CTNNA2: variants seen among roughly 807,000 people sequenced by gnomAD.
CTNNA2 encodes catenin alpha-2.
In CTNNA2, 42 loss-of-function variants were observed where a neutral mutation model predicts 101.0. The observed-to-expected ratio is 0.42, with a 90% CI of 0.32 to 0.54. The LOEUF (loss-of-function observed/expected upper bound fraction) is 0.54. Among genes scored for constraint, CTNNA2 ranks in the 20% least tolerant of loss-of-function variants. The pLI is 0.14. For missense variants in CTNNA2, 871 were observed against 1,223.1 expected, an observed-to-expected ratio of 0.71 and a Z score of 4.29; for synonymous variants, 450 against 456.4, an observed-to-expected ratio of 0.99 and a Z score of 0.18.
intron 15 of CTNNA2, among the ~76,000 whole-genome samples, chr2:80,596,414 A>C (rs1483641332): frequency 1.4e-5 from 2 of 144,132 alleles, no homozygotes; most frequent in African/African-American, 5.2e-5. Flanking sequence ...GGTTCATGCC[A>C]TTCTCCTGCC....
intron 2 of CTNNA2, among the ~76,000 whole-genome samples, chr2:79,665,764 G>A (rs1234633069): frequency 2.6e-5 from 4 of 151,984 alleles, no homozygotes; most frequent in Non-Finnish European, 5.9e-5. Flanking sequence ...TATTATCTGG[G>A]CTTAGAAAAA....
chr2:79,744,987 C>A (rs983645816), intron 3 of CTNNA2, among the ~76,000 whole-genome samples: 2 of 152,090 alleles, frequency 1.3e-5, no homozygotes, highest in African/African-American at 2.4e-5. Flanking sequence ...TTCTGCAAGT[C>A]TCAAATTCAT....
At chr2:79,730,984 A>G (rs1003192618) in intron 2 of CTNNA2, among the ~76,000 whole-genome samples, 1 of 152,030 alleles carries the variant, frequency 6.6e-6, no homozygotes, top group Non-Finnish European at 1.5e-5. Flanking sequence ...AAGAAATTTA[A>G]AAGAAATTAA....
chr2:80,046,941 T>G (rs775415858), intron 7 of CTNNA2, among the ~76,000 whole-genome samples: 12 of 152,218 alleles, frequency 7.9e-5, no homozygotes, highest in South Asian at 2.1e-4. Context: ...ATAATTATTT[T>G]TGTGGAATGT....
Position 80,274,317 on chromosome 2 carries a change from G to C in CTNNA2, c.1057-118894G>C, listed in dbSNP as rs116053606. Among the ~76,000 whole-genome samples the C allele has an allele frequency of 5.0e-3, 767 of 152,234 alleles. 7 individuals carry two copies. The highest frequency in any genetic ancestry group is 0.018 in the African/African-American group (745 of 41,554). ...GCAAAATCAGACTCTAGAAGTATTT[G>C]TTTATCATCTCGCTATGAAAGTAAT... On this transcript the variant is annotated intron_variant, in intron 7 of 18. Coordinates refer to ENST00000402739, the MANE Select transcript of CTNNA2 (RefSeq NM_001282597.3).
At chr2:79,839,834 A>T (rs1011068277) in intron 3 of CTNNA2, among the ~76,000 whole-genome samples, 4 of 152,002 alleles carry the variant, frequency 2.6e-5, no homozygotes, top group African/African-American at 9.7e-5. Flanking sequence ...AATATTTTCT[A>T]TCCTATACTT....
chr2:80,455,127 T>C, intron 9 of CTNNA2, among the ~76,000 whole-genome samples: 1 of 152,226 alleles, frequency 6.6e-6, no homozygotes. Flanking sequence ...GGCAAACAAA[T>C]GGCAAATGGT....
intron 7 of CTNNA2, among the ~76,000 whole-genome samples, chr2:80,230,211 T>C (rs1709115375): frequency 6.6e-6 from 1 of 151,572 alleles, no homozygotes; most frequent in South Asian, 2.1e-4. Flanking sequence ...TGTTAAGCAA[T>C]GCATGCCTGT....
At chr2:80,220,643 T>C (rs1708522059) in intron 7 of CTNNA2, among the ~76,000 whole-genome samples, 1 of 152,240 alleles carries the variant, frequency 6.6e-6, no homozygotes, top group East Asian at 1.9e-4. Flanking sequence ...TTGTCATGGA[T>C]AGTCACACTT....
intron 4 of CTNNA2, among the ~76,000 whole-genome samples, chr2:79,467,958 A>C (rs1244719189): frequency 6.6e-6 from 1 of 152,218 alleles, no homozygotes; most frequent in East Asian, 1.9e-4. Flanking sequence ...TGCTAAGAAG[A>C]AACTGCATCA....
At chr2:79,726,277 A>G (rs1263744231) in intron 2 of CTNNA2, among the ~76,000 whole-genome samples, 2 of 152,136 alleles carry the variant, frequency 1.3e-5, no homozygotes. Flanking sequence ...GTTATATTTC[A>G]TTTGTACTAT....
At chr2:79,677,214 C>T (rs72822536) in intron 2 of CTNNA2, among the ~76,000 whole-genome samples, 7,970 of 152,156 alleles carry the variant, frequency 0.052, 284 homozygotes, top group Non-Finnish European at 0.073. Context: ...TTCCTGGGAC[C>T]CTTTTCTCAG....
chr2:80,431,028 AGT>A (rs1681451255), intron 9 of CTNNA2, among the ~76,000 whole-genome samples: 1 of 152,172 alleles, frequency 6.6e-6, no homozygotes, highest in African/African-American at 2.4e-5. Flanking sequence ...AAGAGCAAGA[AGT>A]GTTTTAATTG....
intron 7 of CTNNA2, among the ~76,000 whole-genome samples, chr2:80,064,295 A>G (rs563986358): frequency 6.6e-6 from 1 of 152,286 alleles, no homozygotes; most frequent in African/African-American, 2.4e-5. Context: ...TTCTGACTTA[A>G]TTTCTCTGAG....
At chr2:80,346,546 G>T (rs763836355) in intron 7 of CTNNA2, among the ~76,000 whole-genome samples, 26 of 152,130 alleles carry the variant, frequency 1.7e-4, no homozygotes, top group Non-Finnish European at 3.8e-4. Context: ...ATGAAATTGG[G>T]GTGGGGACAA....
At chr2:80,518,630 A>G (rs1689285522) in intron 9 of CTNNA2, among the ~76,000 whole-genome samples, 1 of 152,128 alleles carries the variant, frequency 6.6e-6, no homozygotes, top group African/African-American at 2.4e-5. Context: ...CATCTCATCA[A>G]TAATTATTAT....
At chr2:79,373,372 C>G (rs1325429161) in intron 3 of CTNNA2, among the ~76,000 whole-genome samples, 1 of 152,152 alleles carries the variant, frequency 6.6e-6, no homozygotes, top group East Asian at 1.9e-4. Flanking sequence ...ACCTTATACT[C>G]CCTGATAATT....
At chr2:80,349,154 C>T (rs534170459) in intron 7 of CTNNA2, among the ~76,000 whole-genome samples, 1 of 152,224 alleles carries the variant, frequency 6.6e-6, no homozygotes, top group South Asian at 2.1e-4. Context: ...TGACTGTTCT[C>T]ATTGCCTGAT....
chr2:79,446,521 AATTACT>A (rs1249383792), intron 4 of CTNNA2, among the ~76,000 whole-genome samples: 1 of 152,066 alleles, frequency 6.6e-6, no homozygotes, highest in African/African-American at 2.4e-5. Flanking sequence ...ACAGGAGTGG[AATTACT>A]CATTATACTC....
Sources: gnomAD v4.1 joint callset for allele counts (sites outside exome capture counted in the v4.1 genomes callset) on GRCh38, gnomAD v4.1.1 for gene constraint, MANE v1.5 for transcripts, NCBI Gene and HGNC (gene_info 2026-07-23, HGNC 2026-07-21) for gene names.